The following LRBA variants were observed in gnomAD, a reference collection of about 807,000 sequenced individuals.
The protein encoded by LRBA is lipopolysaccharide-responsive and beige-like anchor protein.
In LRBA, 176 loss-of-function variants were observed where a neutral mutation model predicts 330.0. That is an observed-to-expected ratio of 0.53 (90% CI 0.47 to 0.60). LRBA has a LOEUF of 0.60. LRBA is among the 20% of genes least tolerant of loss of function. The pLI is 0.00. For synonymous variants in LRBA, 1,230 were observed against 1,193.0 expected, an observed-to-expected ratio of 1.03 and a Z score of -0.64; for missense variants, 3,259 against 3,444.8, an observed-to-expected ratio of 0.95 and a Z score of 1.35.
chr4:150,607,458 TATTTA>T (rs1359261383), intron 37 of LRBA, among the ~76,000 whole-genome samples: 1 of 151,850 alleles, frequency 6.6e-6, no homozygotes, highest in Non-Finnish European at 1.5e-5. Context: ...ATAAAGATGC[TATTTA>T]ATTAAAATAA....
intron 50 of LRBA, among the ~76,000 whole-genome samples, chr4:150,319,757 C>A (rs1209906434): frequency 6.6e-6 from 1 of 152,226 alleles, no homozygotes; most frequent in Non-Finnish European, 1.5e-5. Context: ...CTAATACCAA[C>A]TACAGATTCT....
At chr4:150,949,795 C>G (rs1268827645) in intron 2 of LRBA, among the ~76,000 whole-genome samples, 1 of 151,942 alleles carries the variant, frequency 6.6e-6, no homozygotes, top group Non-Finnish European at 1.5e-5. Context: ...AAGCCACCTA[C>G]AGACATACAT....
At chr4:150,790,710 T>A (rs183461290) in intron 34 of LRBA, among the ~76,000 whole-genome samples, 2 of 152,322 alleles carry the variant, frequency 1.3e-5, no homozygotes, top group African/African-American at 4.8e-5. Flanking sequence ...CCAACTACCA[T>A]AGACTTCCTA....
At chr4:150,654,404 G>A (rs1779980485) in intron 37 of LRBA, among the ~76,000 whole-genome samples, 1 of 152,086 alleles carries the variant, frequency 6.6e-6, no homozygotes, top group African/African-American at 2.4e-5. Context: ...GGCCAGGCTT[G>A]TCTCGAACTC....
intron 40 of LRBA, among the ~76,000 whole-genome samples, chr4:150,518,849 T>A (rs904333230): frequency 6.6e-6 from 1 of 152,162 alleles, no homozygotes; most frequent in African/African-American, 2.4e-5. Context: ...CTGATCTCCA[T>A]AGGCCTAATG....
intron 37 of LRBA, among the ~76,000 whole-genome samples, chr4:150,644,334 A>C (rs1004117975): frequency 4.0e-5 from 6 of 151,888 alleles, no homozygotes; most frequent in African/African-American, 1.2e-4. Context: ...ATCAAAACAG[A>C]ATCTCTTCAG....
At chr4:150,865,578 C>T (rs535954865) in intron 22 of LRBA, among the ~76,000 whole-genome samples, 96 of 152,248 alleles carry the variant, frequency 6.3e-4, no homozygotes, top group Non-Finnish European at 1.0e-3. Flanking sequence ...GATTTTACTC[C>T]TTGTAAACCC....
At chr4:150,998,074 G>A (rs1191316292) in intron 2 of LRBA, among the ~76,000 whole-genome samples, 1 of 150,898 alleles carries the variant, frequency 6.6e-6, no homozygotes, top group Non-Finnish European at 1.5e-5. Context: ...GGTCTCGGCC[G>A]GGCACGGTGG....
chr4:150,514,767 G>A (rs1262322029), intron 40 of LRBA, among the ~76,000 whole-genome samples: 1 of 152,198 alleles, frequency 6.6e-6, no homozygotes, highest in Non-Finnish European at 1.5e-5. Context: ...TCGATCCGAA[G>A]TATATTAACT....
chr4:150,318,355 C>A (rs538068694), intron 50 of LRBA, among the ~76,000 whole-genome samples: 2 of 152,196 alleles, frequency 1.3e-5, no homozygotes, highest in South Asian at 4.1e-4. Context: ...TTTTCTAAAT[C>A]AGACACTACT....
rs903788135 is a variant in LRBA, at chr4:151,014,122, GA to G, written c.216+304del. ...ACGCAGACTTAGGCATACAAGCCAA[GA>G]AAAAAAAAATTAGAGATAACTCCTC... is the stretch of plus-strand genomic sequence containing the variant. On this transcript the variant is annotated intron_variant, in intron 2 of 56. Transcript: ENST00000651943. 1.7e-3 allele frequency: 391 copies of G among 227,508 alleles called. 1 individual carries two copies. The highest frequency in any genetic ancestry group is 2.8e-3 in the Middle Eastern group (2 of 710). 14.1% of individuals were successfully genotyped at this position (227,508 alleles called of 1,614,324 possible).
At chr4:150,344,545 C>T (rs1736016971) in intron 48 of LRBA, among the ~76,000 whole-genome samples, 1 of 152,200 alleles carries the variant, frequency 6.6e-6, no homozygotes, top group African/African-American at 2.4e-5. Flanking sequence ...TGGTTCCCTA[C>T]TGCCTTATGA....
intron 28 of LRBA, chr4:150,840,914 G>A: frequency 9.3e-7 from 1 of 1,079,156 alleles, no homozygotes; most frequent in Non-Finnish European, 1.2e-6. Context: ...CAAAAATTTT[G>A]GATATAATCA....
At chr4:150,409,875 T>G (rs1269775633) in intron 47 of LRBA, among the ~76,000 whole-genome samples, 1 of 152,108 alleles carries the variant, frequency 6.6e-6, no homozygotes, top group Non-Finnish European at 1.5e-5. Flanking sequence ...CCTATCTCCC[T>G]ACATTCCCAG....
At chr4:151,009,167 G>A (rs1744513679) in intron 2 of LRBA, among the ~76,000 whole-genome samples, 1 of 149,590 alleles carries the variant, frequency 6.7e-6, no homozygotes, top group Non-Finnish European at 1.5e-5. Context: ...ACTGTGCCCA[G>A]CTCAAATTTT....
Position 150,871,456 on chromosome 4 carries a change from G to A in LRBA, c.2259-3C>T, listed in dbSNP as rs748427487. On this transcript the variant is annotated splice_polypyrimidine_tract_variant and splice_region_variant and intron_variant, in intron 18 of 56. Coordinates refer to ENST00000651943, the MANE Select transcript of LRBA (RefSeq NM_001364905.1). ...CAAGCATGACTTCTGCTTTCCTCCT[G>A]CAATTACACAAAAAGAAATCATCAA... The A allele has an allele frequency of 5.1e-6, 8 of 1,557,818 alleles. No individual in the cohort carries two copies. The highest frequency in any genetic ancestry group is 1.7e-5 in the Admixed American group (1 of 59,884).
intron 37 of LRBA, among the ~76,000 whole-genome samples, chr4:150,646,530 T>C (rs1779154340): frequency 6.6e-6 from 1 of 152,094 alleles, no homozygotes; most frequent in Admixed American, 6.6e-5. Context: ...GGATACTTGG[T>C]AAATAAATAA....
At chr4:150,732,537 T>C (rs913234035) in intron 36 of LRBA, among the ~76,000 whole-genome samples, 2 of 152,094 alleles carry the variant, frequency 1.3e-5, no homozygotes, top group African/African-American at 4.8e-5. Flanking sequence ...CTAATTTACA[T>C]AGGAATCCTT....
At chr4:150,904,992 C>T (rs1731171398) in intron 13 of LRBA, among the ~76,000 whole-genome samples, 1 of 152,074 alleles carries the variant, frequency 6.6e-6, no homozygotes, top group South Asian at 2.1e-4. Flanking sequence ...AATAACACGA[C>T]TTCTAACAAA....
Sources: gnomAD v4.1 joint callset for allele counts (sites outside exome capture counted in the v4.1 genomes callset) on GRCh38, gnomAD v4.1.1 for gene constraint, MANE v1.5 for transcripts, NCBI Gene and HGNC (gene_info 2026-07-23, HGNC 2026-07-21) for gene names.